The following SAMD12 variants were observed in gnomAD, a reference collection of about 807,000 sequenced individuals.
SAMD12 encodes sterile alpha motif domain-containing protein 12.
Under a neutral mutation model 15.0 loss-of-function variants are expected in SAMD12, and 9 were observed. That is an observed-to-expected ratio of 0.60 (90% CI 0.36 to 1.05). The LOEUF is 1.05. SAMD12 is among the 50% of genes least tolerant of loss of function. The pLI is 0.01. For synonymous variants in SAMD12, 86 were observed against 90.1 expected, an observed-to-expected ratio of 0.96 and a Z score of 0.25; for missense variants, 230 against 234.2, an observed-to-expected ratio of 0.98 and a Z score of 0.12.
intron 2 of SAMD12, among the ~76,000 whole-genome samples, chr8:118,570,189 T>C (rs1484562350): frequency 6.6e-6 from 1 of 152,098 alleles, no homozygotes; most frequent in Non-Finnish European, 1.5e-5. Flanking sequence ...GCAGAAGTCA[T>C]AGGGCCTTAT....
the SAMD12 span, among the ~76,000 whole-genome samples, chr8:118,147,357 A>G: frequency 6.7e-6 from 1 of 149,418 alleles, no homozygotes; most frequent in African/African-American, 2.5e-5. Context: ...CATTTTTCCT[A>G]GGATAATTTT....
chr8:118,454,880 C>G (rs1823200098), intron 2 of SAMD12, among the ~76,000 whole-genome samples: 1 of 152,210 alleles, frequency 6.6e-6, no homozygotes, highest in African/African-American at 2.4e-5. Context: ...TAAGTGGATT[C>G]AGGCCATTCT....
chr8:118,210,921 CTT>C (rs1162645826), intron 4 of SAMD12, among the ~76,000 whole-genome samples: 2 of 152,200 alleles, frequency 1.3e-5, no homozygotes, highest in African/African-American at 4.8e-5. Flanking sequence ...ACCATCATCT[CTT>C]GATTGCTGTC....
chr8:118,538,096 C>G (rs1430861682), intron 2 of SAMD12, among the ~76,000 whole-genome samples: 1 of 152,128 alleles, frequency 6.6e-6, no homozygotes, highest in Non-Finnish European at 1.5e-5. Flanking sequence ...AGAAGAATTC[C>G]CTGGATTACC....
At chr8:118,328,932 G>A (rs1321681474) in intron 4 of SAMD12, among the ~76,000 whole-genome samples, 2 of 152,118 alleles carry the variant, frequency 1.3e-5, no homozygotes, top group African/African-American at 4.8e-5. Context: ...CCAAAGAGGA[G>A]GAGGCATAAG....
At chr8:118,244,572 A>C (rs1812644171) in intron 4 of SAMD12, among the ~76,000 whole-genome samples, 1 of 152,152 alleles carries the variant, frequency 6.6e-6, no homozygotes, top group African/African-American at 2.4e-5. Context: ...ATAAAATCTA[A>C]TCACATTGAT....
intron 2 of SAMD12, among the ~76,000 whole-genome samples, chr8:118,546,139 G>C (rs1013047944): frequency 3.3e-5 from 5 of 152,168 alleles, no homozygotes; most frequent in African/African-American, 1.2e-4. Context: ...CAGGTGTGAT[G>C]AGAAGAAAAG....
At chr8:118,490,740 A>C (rs1824418498) in intron 2 of SAMD12, among the ~76,000 whole-genome samples, 1 of 152,188 alleles carries the variant, frequency 6.6e-6, no homozygotes, top group Non-Finnish European at 1.5e-5. Flanking sequence ...GCAGGAAATA[A>C]AGAAGAAAAT....
chr8:118,172,109 G>A, the SAMD12 span, among the ~76,000 whole-genome samples: 1 of 152,090 alleles, frequency 6.6e-6, no homozygotes, highest in Non-Finnish European at 1.5e-5. Context: ...CTGTCGTGGG[G>A]TAGGGGGAGT....
intron 4 of SAMD12, among the ~76,000 whole-genome samples, chr8:118,354,805 AG>A (rs2130612758): frequency 6.6e-6 from 1 of 152,354 alleles, no homozygotes; most frequent in South Asian, 2.1e-4. Context: ...ATTGTCCTCC[AG>A]TTAAATCACA....
At chr8:118,569,035 A>T (rs1231775571) in intron 2 of SAMD12, among the ~76,000 whole-genome samples, 1 of 152,216 alleles carries the variant, frequency 6.6e-6, no homozygotes, top group Non-Finnish European at 1.5e-5. Flanking sequence ...TATTTGTTTT[A>T]TGATGGTGAT....
chr8:118,162,766 GTGAAAA>G, the SAMD12 span, among the ~76,000 whole-genome samples: 1 of 152,174 alleles, frequency 6.6e-6, no homozygotes, highest in African/African-American at 2.4e-5. Flanking sequence ...TGAGAAAAGA[GTGAAAA>G]TGGAGACAAT....
intron 4 of SAMD12, among the ~76,000 whole-genome samples, chr8:118,203,433 A>G (rs916623362): frequency 3.9e-5 from 6 of 152,032 alleles, no homozygotes; most frequent in Non-Finnish European, 8.8e-5. Context: ...TACTACTGGC[A>G]TCTAATGGGT....
At chr8:118,612,188 T>C (rs900013237) in intron 1 of SAMD12, among the ~76,000 whole-genome samples, 10 of 152,200 alleles carry the variant, frequency 6.6e-5, no homozygotes, top group African/African-American at 2.2e-4. Context: ...GCTAAATTCA[T>C]CTTGTGTGAT....
chr8:118,276,449 G>A (rs1276062307), intron 4 of SAMD12, among the ~76,000 whole-genome samples: 1 of 152,004 alleles, frequency 6.6e-6, no homozygotes, highest in African/African-American at 2.4e-5. Context: ...TCATTTTCTG[G>A]AATACAAAAT....
At chr8:118,572,193 C>G (rs1356783312) in intron 2 of SAMD12, among the ~76,000 whole-genome samples, 2 of 152,198 alleles carry the variant, frequency 1.3e-5, no homozygotes, top group African/African-American at 4.8e-5. Context: ...CCTGTAGCTT[C>G]TTTGTTTTGG....
intron 1 of SAMD12, 41 bp downstream of exon 1, chr8:118,621,763 G>T: frequency 6.2e-7 from 1 of 1,611,120 alleles, no homozygotes; most frequent in Non-Finnish European, 8.5e-7. Context: ...TGGGGTGCGC[G>T]GGTTAAGAGG....
At chr8:118,272,707 A>T (rs1176297509) in intron 4 of SAMD12, among the ~76,000 whole-genome samples, 3 of 152,200 alleles carry the variant, frequency 2.0e-5, no homozygotes, top group African/African-American at 7.2e-5. Context: ...GGCCAGATGT[A>T]AAATACTGCC....
At chr8:118,408,754 C>A (rs1821254958) in intron 3 of SAMD12, among the ~76,000 whole-genome samples, 1 of 152,092 alleles carries the variant, frequency 6.6e-6, no homozygotes, top group African/African-American at 2.4e-5. Flanking sequence ...ATAGGAAAAG[C>A]CTCTGCGTCA....
Sources: allele counts gnomAD v4.1 joint callset (sites outside exome capture counted in the v4.1 genomes callset), GRCh38; gene constraint gnomAD v4.1.1; transcripts MANE v1.5; gene names NCBI Gene and HGNC (gene_info 2026-07-23, HGNC 2026-07-21).